CDC45: variants seen among roughly 807,000 people sequenced by gnomAD.
CDC45 encodes the protein cell division cycle 45.
In CDC45, 54 loss-of-function variants were observed where a neutral mutation model predicts 77.8. That is an observed-to-expected ratio of 0.69 (90% CI 0.56 to 0.87). The LOEUF (loss-of-function observed/expected upper bound fraction) is 0.87, where lower values mean the gene tolerates loss of function less well. CDC45 is among the 40% of genes least tolerant of loss of function. The pLI, the probability that CDC45 is intolerant of heterozygous loss-of-function variation, is 0.00. For missense variants in CDC45, 649 were observed against 721.6 expected (o/e 0.90, Z 1.15); for synonymous variants, 260 against 272.1 (o/e 0.96, Z 0.44).
At position 19,492,150 on chromosome 22, in the gene CDC45, A is replaced by C. The variant is rs117510729; in HGVS notation, c.487-2177A>C. On this transcript the variant is annotated intron_variant, in intron 5 of 18. Transcript: ENST00000263201. ...CCAAATTTTCAGCCATTATGTCTTCAAGTGTGTTTTCAGTGCACCCTCTTT... is the reference window on the plus strand; with the variant it reads ...CCAAATTTTCAGCCATTATGTCTTCCAGTGTGTTTTCAGTGCACCCTCTTT... 3.4e-3 allele frequency among the ~76,000 whole-genome samples: 513 copies of C among 152,186 alleles called. 19 individuals carry two copies. The East Asian group carries it at 0.069, about 21-fold the overall frequency.
rs13447224 is a variant in CDC45, at chr22:19,498,034, C to T, written c.653+587C>T. The stretch of plus-strand genomic sequence containing the variant: ...AATAGAAAAAAAAAAATTAGCCAGG[C>T]GTGGTGGTGGGTGCCTGTAATCTTA... On this transcript the variant is annotated intron_variant, in intron 8 of 18. Coordinates refer to ENST00000263201, the MANE Select transcript of CDC45 (RefSeq NM_003504.5). Among the ~76,000 whole-genome samples the T allele has an allele frequency of 4.5e-3, 687 of 151,868 alleles. 2 individuals carry two copies. Among genetic ancestry groups the T allele is most frequent in the Non-Finnish European group, 7.5e-3 (507 of 67,964 alleles).
intron 9 of CDC45, among the ~76,000 whole-genome samples, chr22:19,500,904 C>T (rs933382375): frequency 3.9e-5 from 6 of 152,244 alleles, no homozygotes; most frequent in Admixed American, 6.5e-5. Flanking sequence ...AGGCCGGGCG[C>T]GATGGCTCAC....
chr22:19,514,977 G>A lies in CDC45; in HGVS notation c.1369G>A (p.Val457Ile), dbSNP rs1410138438. The change falls in exon 15 of 19, where the codon GTC becomes ATC. Residue 457 changes from valine (V) to isoleucine (I), a missense_variant. Physicochemically the swap from Val to Ile is conservative, Grantham distance 29. Transcript: ENST00000263201. ...CTCGCCTCCGCAGGGCACTCCAGATGTCATGCTGTTCTCTAGGCCGGCATC... is the reference window on the plus strand; with the variant it reads ...CTCGCCTCCGCAGGGCACTCCAGATATCATGCTGTTCTCTAGGCCGGCATC... ...YCSLMEGTPD[V>I]MLFSRPASLS... The A allele has an allele frequency of 9.9e-6, 16 of 1,614,116 alleles. No homozygotes were observed. Among genetic ancestry groups the A allele is most frequent in the African/African-American group, 1.3e-5 (1 of 74,946 alleles).
upstream of CDC45, chr22:19,479,688 G>T (rs2089939779): frequency 2.9e-6 from 2 of 693,310 alleles, no homozygotes; most frequent in Admixed American, 4.1e-5. Context: ...GCTTTTCTGG[G>T]TAAAAGCGAG....
intron 13 of CDC45, among the ~76,000 whole-genome samples, chr22:19,511,308 T>C (rs1041600045): frequency 9.9e-5 from 15 of 151,864 alleles, no homozygotes; most frequent in African/African-American, 3.6e-4. Flanking sequence ...GTTAGGAGAA[T>C]TGTCTATTCA....
At chr22:19,497,503 C>G in intron 8 of CDC45, 56 bp downstream of exon 8, 1 of 1,433,966 alleles carries the variant, frequency 7.0e-7, no homozygotes, top group Admixed American at 1.7e-5. Context: ...GTCAGTGCCA[C>G]ATAAGCAGCT....
intron 17 of CDC45, among the ~76,000 whole-genome samples, chr22:19,518,583 TC>T (rs1343701844): frequency 6.6e-6 from 1 of 152,146 alleles, no homozygotes; most frequent in Non-Finnish European, 1.5e-5. Context: ...GTAGGGCCCT[TC>T]CCTGTGTCAC....
chr22:19,512,258 C>T (rs1045928588), intron 13 of CDC45, among the ~76,000 whole-genome samples: 1 of 152,206 alleles, frequency 6.6e-6, no homozygotes, highest in Non-Finnish European at 1.5e-5. Flanking sequence ...TCCCTTGGCC[C>T]ACTGCACTCA....
chr22:19,493,840 G>A (rs781480196), intron 5 of CDC45, among the ~76,000 whole-genome samples: 4 of 152,214 alleles, frequency 2.6e-5, no homozygotes, highest in Admixed American at 1.3e-4. Flanking sequence ...CAGGAGTCTC[G>A]GGACCATGGA....
intron 18 of CDC45, 88 bp downstream of exon 18, chr22:19,518,997 G>T (rs551829638): frequency 2.4e-5 from 24 of 1,007,182 alleles, no homozygotes; most frequent in Middle Eastern, 2.8e-4. Context: ...CTCAACGGAG[G>T]CTTCTACTTG....
intron 5 of CDC45, 83 bp from the exon 6 acceptor site, chr22:19,494,244 G>A: frequency 2.3e-6 from 3 of 1,291,662 alleles, no homozygotes; most frequent in Non-Finnish European, 2.2e-6. Context: ...ACTGACTTCT[G>A]CCAAATTGGA....
In CDC45 at chr22:19,481,372, TA is replaced by T. The variant is rs552091413; in HGVS notation, c.204+328del. 1.8e-3 allele frequency among the ~76,000 whole-genome samples: 280 copies of T among 152,306 alleles called. 1 individual carries two copies. Among genetic ancestry groups the T allele is most frequent in the African/African-American group, 6.1e-3 (253 of 41,570 alleles). On this transcript the variant is annotated intron_variant, in intron 3 of 18. Transcript: ENST00000263201. The stretch of plus-strand genomic sequence containing the variant: ...AAAATTATTTTATTTTATTTTGGTT[TA>T]TTTTTTTATTTTTTATTTTTTTTGA...
chr22:19,514,007 CT>C (rs1239783451), intron 13 of CDC45, among the ~76,000 whole-genome samples: 1 of 152,154 alleles, frequency 6.6e-6, no homozygotes, highest in African/African-American at 2.4e-5. Flanking sequence ...TTAACTCTTC[CT>C]TTTTCATAGC....
intron 9 of CDC45, among the ~76,000 whole-genome samples, chr22:19,500,974 C>T (rs1162734430): frequency 1.3e-5 from 2 of 152,026 alleles, no homozygotes; most frequent in African/African-American, 4.8e-5. Flanking sequence ...GTCAGGAGTT[C>T]GAGACCAGCC....
rs769448408 is a variant in CDC45, at chr22:19,483,995, G to A, written c.476G>A (p.Arg159Gln). 1.6e-5 allele frequency: 25 copies of A among 1,600,154 alleles called. No individual in the cohort carries two copies. The highest frequency in any genetic ancestry group is 2.0e-5 in the Non-Finnish European group (24 of 1,176,750). ...DGSEPSEKRTRLEEEIVEQTM... is the reference protein window; with the variant it reads ...DGSEPSEKRTQLEEEIVEQTM... ...TCAGAGCCTTCTGAGAAGCGCACAC[G>A]GTTAGAAGAGGTGAGTTTGGGTCTC... The change falls in exon 5 of 19, where the codon CGG (arginine) becomes CAG (glutamine). Residue 159 changes from arginine (R) to glutamine (Q), a missense_variant. Arg to Gln is a conservative substitution (Grantham distance 43). Coordinates refer to ENST00000263201, the MANE Select transcript of CDC45 (RefSeq NM_003504.5).
intron 13 of CDC45, among the ~76,000 whole-genome samples, chr22:19,512,481 C>T (rs1933570580): frequency 6.6e-6 from 1 of 152,002 alleles, no homozygotes; most frequent in South Asian, 2.1e-4. Context: ...AAATGTGGGT[C>T]CTAGGTTTTT....
intron 5 of CDC45, among the ~76,000 whole-genome samples, chr22:19,491,079 A>C (rs1196597739): frequency 1.3e-5 from 2 of 152,156 alleles, no homozygotes; most frequent in Non-Finnish European, 2.9e-5. Flanking sequence ...CACCTGCCTC[A>C]GCCTCCCAAA....
chr22:19,482,765 A>T lies in CDC45; in HGVS notation c.280A>T (p.Ile94Leu). 6.2e-7 allele frequency: 1 copy of T among 1,612,688 alleles called. No individual in the cohort carries two copies. Among genetic ancestry groups the T allele is most frequent in the Non-Finnish European group, 8.5e-7 (1 of 1,178,672 alleles). ...TATTCTTCAACCTGATGAAGACACTATATTCTTTGTGTGTGACACCCATAG... is the reference window on the plus strand; with the variant it reads ...TATTCTTCAACCTGATGAAGACACTTTATTCTTTGTGTGTGACACCCATAG... ...LDILQPDEDT[I>L]FFVCDTHRPV... is the part of the protein sequence containing the mutation. Residue 94 changes from isoleucine (I) to leucine (L), a missense_variant, in exon 4 of 19, where the codon ATA becomes TTA. Physicochemically the swap from Ile to Leu is conservative, Grantham distance 5 (BLOSUM62 2). Transcript: ENST00000263201.
intron 2 of CDC45, among the ~76,000 whole-genome samples, chr22:19,480,463 A>G (rs945409908): frequency 1.2e-4 from 18 of 152,178 alleles, no homozygotes; most frequent in African/African-American, 4.3e-4. Context: ...TATTTTTGCA[A>G]TAAGCTATTA....
Sources: gnomAD v4.1 joint callset for allele counts (sites outside exome capture counted in the v4.1 genomes callset) on GRCh38, gnomAD v4.1.1 for gene constraint, MANE v1.5 for transcripts, NCBI Gene and HGNC (gene_info 2026-07-23, HGNC 2026-07-21) for gene names.